GABRA3: variants seen among roughly 807,000 people sequenced by gnomAD.
GABRA3 encodes gamma-aminobutyric acid receptor subunit alpha-3.
Under a neutral mutation model 30.1 loss-of-function variants are expected in GABRA3, and 10 were observed. That is an observed-to-expected ratio of 0.33 (90% confidence interval 0.20 to 0.56). The LOEUF (loss-of-function observed/expected upper bound fraction) is 0.56. Ranked by LOEUF, GABRA3 falls within the 20% of genes least tolerant of loss-of-function variation. The pLI is 0.89. For synonymous variants in GABRA3, 151 were observed against 146.8 expected, an observed-to-expected ratio of 1.03 and a Z score of -0.21; for missense variants, 233 against 392.0, an observed-to-expected ratio of 0.59 and a Z score of 3.42.
chrX:152,303,053 T>C (rs1487015221), intron 3 of GABRA3, among the ~76,000 whole-genome samples: 1 of 111,887 alleles, frequency 8.9e-6, no homozygotes, highest in African/African-American at 3.3e-5. Context: ...GGTGCATGTG[T>C]CTTTTTGGTA....
intron 5 of GABRA3, among the ~76,000 whole-genome samples, chrX:152,228,156 T>C (rs897948769): frequency 3.6e-5 from 4 of 111,545 alleles, no homozygotes; most frequent in African/African-American, 9.8e-5. Context: ...CAGAGTGCTT[T>C]CTGTTGCAGA....
chrX:152,383,780 C>A (rs1485360441), intron 1 of GABRA3, among the ~76,000 whole-genome samples: 3 of 109,668 alleles, frequency 2.7e-5, no homozygotes, highest in African/African-American at 9.9e-5. Context: ...AAAGTTTTTC[C>A]TCTAATATCA....
At chrX:152,199,866 AAATC>A (rs766794651) in intron 7 of GABRA3, among the ~76,000 whole-genome samples, 20 of 110,119 alleles carry the variant, frequency 1.8e-4, no homozygotes, top group African/African-American at 4.0e-4. Flanking sequence ...AACACACACA[AAATC>A]AATCAATCAG....
At chrX:152,323,641 T>C (rs1293485021) in intron 3 of GABRA3, among the ~76,000 whole-genome samples, 1 of 112,359 alleles carries the variant, frequency 8.9e-6, no homozygotes, top group Non-Finnish European at 1.9e-5. Context: ...TATTATCAGA[T>C]ATATTCTTTT....
At chrX:152,188,495 T>C (rs1233520688) in intron 9 of GABRA3, among the ~76,000 whole-genome samples, 1 of 110,343 alleles carries the variant, frequency 9.1e-6, no homozygotes, top group Non-Finnish European at 1.9e-5. Flanking sequence ...ATATTCTTCC[T>C]GGGTGGGGGG....
chrX:152,375,253 T>G (rs748778741), intron 1 of GABRA3, among the ~76,000 whole-genome samples: 3 of 111,917 alleles, frequency 2.7e-5, no homozygotes, highest in African/African-American at 9.7e-5. Flanking sequence ...AACCAATTCA[T>G]GCTTTTCATA....
chrX:152,299,457 T>A (rs1450587744), intron 3 of GABRA3, among the ~76,000 whole-genome samples: 1 of 110,976 alleles, frequency 9.0e-6, no homozygotes, highest in East Asian at 2.9e-4. Flanking sequence ...GAAGGTACAA[T>A]GGCATACAAA....
intron 3 of GABRA3, among the ~76,000 whole-genome samples, chrX:152,287,888 A>C (rs1183414491): frequency 9.0e-6 from 1 of 110,687 alleles, no homozygotes; most frequent in East Asian, 2.8e-4. Context: ...GTGGAGGAAG[A>C]AGGGATTTGG....
intron 1 of GABRA3, among the ~76,000 whole-genome samples, chrX:152,445,789 T>TG (rs1172047941): frequency 1.8e-5 from 2 of 111,863 alleles, no homozygotes; most frequent in African/African-American, 6.5e-5. Context: ...TTTACAGTTA[T>TG]GGAAACAGGC....
chrX:152,254,401 C>A, intron 5 of GABRA3, among the ~76,000 whole-genome samples: 1 of 107,305 alleles, frequency 9.3e-6, no homozygotes, highest in East Asian at 2.9e-4. Flanking sequence ...TCTTTTTGTC[C>A]TCTCTTCTCA....
chrX:152,323,601 G>A (rs1492294), intron 3 of GABRA3, among the ~76,000 whole-genome samples: 19,459 of 111,407 alleles, frequency 0.17, 1,339 homozygotes, highest in African/African-American at 0.26. Context: ...AATTCCTTCT[G>A]CACTAGTAGC....
intron 5 of GABRA3, among the ~76,000 whole-genome samples, chrX:152,249,307 G>C (rs1938512914): frequency 9.0e-6 from 1 of 111,300 alleles, no homozygotes; most frequent in South Asian, 3.8e-4. Flanking sequence ...TGAACATATT[G>C]TATGCCCACA....
intron 2 of GABRA3, among the ~76,000 whole-genome samples, chrX:152,358,315 C>T (rs1387451697): frequency 9.0e-6 from 1 of 111,152 alleles, no homozygotes; most frequent in Non-Finnish European, 1.9e-5. Flanking sequence ...TTATGGCTAT[C>T]GTGAATGGGA....
intron 1 of GABRA3, among the ~76,000 whole-genome samples, chrX:152,379,422 T>C (rs750982323): frequency 2.3e-4 from 25 of 110,769 alleles, no homozygotes; most frequent in Non-Finnish European, 4.3e-4. Context: ...AATAACAAAA[T>C]TGCTATCAAA....
At chrX:152,306,431 T>A (rs762665610) in intron 3 of GABRA3, among the ~76,000 whole-genome samples, 4 of 112,444 alleles carry the variant, frequency 3.6e-5, no homozygotes, top group Non-Finnish European at 7.5e-5. Flanking sequence ...GACAATATAA[T>A]AGGTATCTTT....
chrX:152,324,928 A>T (rs970282514), intron 3 of GABRA3, among the ~76,000 whole-genome samples: 1 of 112,035 alleles, frequency 8.9e-6, no homozygotes, highest in African/African-American at 3.2e-5. Context: ...AGGTAAGCCA[A>T]GTGGGCAATG....
At chrX:152,301,640 T>A (rs1466315343) in intron 3 of GABRA3, among the ~76,000 whole-genome samples, 1 of 110,923 alleles carries the variant, frequency 9.0e-6, no homozygotes, top group Non-Finnish European at 1.9e-5. Flanking sequence ...TTCAAGTGAT[T>A]CTCCTGCCTC....
At chrX:152,408,080 T>A (rs1012905506) in intron 1 of GABRA3, among the ~76,000 whole-genome samples, 1 of 110,993 alleles carries the variant, frequency 9.0e-6, no homozygotes, top group Non-Finnish European at 1.9e-5. Context: ...TATCTCAACA[T>A]GATAAAAGCC....
chrX:152,382,930 A>G (rs2124508458), intron 1 of GABRA3, among the ~76,000 whole-genome samples: 1 of 112,046 alleles, frequency 8.9e-6, no homozygotes, highest in East Asian at 2.8e-4. Flanking sequence ...CAACTGCTTT[A>G]TAATAGACTT....
Sources: allele counts gnomAD v4.1 joint callset (sites outside exome capture counted in the v4.1 genomes callset), GRCh38; gene constraint gnomAD v4.1.1; transcripts MANE v1.5; gene names NCBI Gene and HGNC (gene_info 2026-07-23, HGNC 2026-07-21).